Variants in TANC2 observed in about 807,000 individuals in gnomAD.
The protein encoded by TANC2 is tetratricopeptide repeat, ankyrin repeat and coiled-coil containing 2.
A neutral mutation model predicts 210.5 loss-of-function variants in TANC2; 26 were observed. That is an observed-to-expected ratio of 0.12 (90% CI 0.09 to 0.17). The LOEUF is 0.17. TANC2 is among the 10% of genes least tolerant of loss of function. The pLI is 1.00. For missense variants in TANC2, 2,129 were observed against 2,608.9 expected, an observed-to-expected ratio of 0.82 and a Z score of 4.01; for synonymous variants, 931 against 967.1, an observed-to-expected ratio of 0.96 and a Z score of 0.69.
chr17:63,075,336 C>T (rs1404981438), intron 3 of TANC2, among the ~76,000 whole-genome samples: 3 of 151,990 alleles, frequency 2.0e-5, no homozygotes, highest in Non-Finnish European at 4.4e-5. Context: ...AATCAATGAG[C>T]GTAATTGAAT....
At chr17:63,114,460 T>G (rs2038176220) in intron 4 of TANC2, among the ~76,000 whole-genome samples, 1 of 152,220 alleles carries the variant, frequency 6.6e-6, no homozygotes, top group Admixed American at 6.5e-5. Flanking sequence ...AAGAATATAT[T>G]TCTTTTTCTT....
intron 5 of TANC2, among the ~76,000 whole-genome samples, chr17:63,169,279 T>C (rs1319734529): frequency 6.6e-6 from 1 of 152,248 alleles, no homozygotes; most frequent in Non-Finnish European, 1.5e-5. Flanking sequence ...TGTTAGTTCT[T>C]TTGTATTTTC....
intron 4 of TANC2, among the ~76,000 whole-genome samples, chr17:63,136,700 C>T (rs2039102232): frequency 6.6e-6 from 1 of 152,178 alleles, no homozygotes; most frequent in African/African-American, 2.4e-5. Flanking sequence ...CAGTAACGGA[C>T]TTGCCTTCCC....
intron 19 of TANC2, 110 bp downstream of exon 19, chr17:63,399,024 C>A: frequency 1.4e-6 from 1 of 719,818 alleles, no homozygotes; most frequent in African/African-American, 1.8e-5. Context: ...CTGTCTCAGG[C>A]TTTTGTAATG....
intron 6 of TANC2, 123 bp from the exon 7 acceptor site, chr17:63,200,648 A>G: frequency 1.2e-6 from 1 of 810,194 alleles, no homozygotes; most frequent in Non-Finnish European, 1.9e-6. Flanking sequence ...AAACAAATAG[A>G]GCCTAATAGA....
At chr17:63,191,246 G>T (rs2041174425) in intron 5 of TANC2, among the ~76,000 whole-genome samples, 1 of 151,438 alleles carries the variant, frequency 6.6e-6, no homozygotes, top group South Asian at 2.1e-4. Context: ...TGGAGGGGAG[G>T]ACCTGGCTTT....
At chr17:62,975,996 CA>C (rs1335348736) in intron 1 of TANC2, among the ~76,000 whole-genome samples, 1 of 152,088 alleles carries the variant, frequency 6.6e-6, no homozygotes, top group African/African-American at 2.4e-5. Context: ...CCTTGCAAGG[CA>C]TTTTAGAAAC....
intron 2 of TANC2, among the ~76,000 whole-genome samples, chr17:63,016,726 TTTC>T (rs2034126672): frequency 6.6e-6 from 1 of 152,178 alleles, no homozygotes; most frequent in Non-Finnish European, 1.5e-5. Flanking sequence ...CAGTTGTGAT[TTTC>T]TTCCTTTTTT....
intron 11 of TANC2, among the ~76,000 whole-genome samples, chr17:63,333,227 A>G (rs1268433254): frequency 6.6e-6 from 1 of 152,204 alleles, no homozygotes; most frequent in African/African-American, 2.4e-5. Context: ...GATTTTCAAG[A>G]TTTTCATCTG....
At chr17:63,137,550 A>G (rs1163626237) in intron 4 of TANC2, among the ~76,000 whole-genome samples, 2 of 152,220 alleles carry the variant, frequency 1.3e-5, no homozygotes, top group Non-Finnish European at 2.9e-5. Flanking sequence ...GATAGTTTAT[A>G]TAATCTGTTT....
At chr17:63,242,627 G>A (rs2042806324) in intron 8 of TANC2, among the ~76,000 whole-genome samples, 1 of 151,996 alleles carries the variant, frequency 6.6e-6, no homozygotes, top group Non-Finnish European at 1.5e-5. Flanking sequence ...GAGATATGAG[G>A]TCAAAAATGA....
chr17:63,123,928 T>C (rs550136010), intron 4 of TANC2, among the ~76,000 whole-genome samples: 9 of 152,158 alleles, frequency 5.9e-5, no homozygotes, highest in Admixed American at 5.9e-4. Context: ...GTCTTGAATG[T>C]CTGACCTTGT....
chr17:63,006,937 A>G (rs1227792530), intron 1 of TANC2, among the ~76,000 whole-genome samples: 1 of 152,060 alleles, frequency 6.6e-6, no homozygotes, highest in Non-Finnish European at 1.5e-5. Context: ...TAGAATTATG[A>G]TATCTTGGCT....
chr17:63,371,851 C>T (rs961052384), intron 14 of TANC2, among the ~76,000 whole-genome samples: 8 of 152,196 alleles, frequency 5.3e-5, no homozygotes, highest in African/African-American at 1.9e-4. Flanking sequence ...TCTTGAGGTA[C>T]AGGATCATCA....
chr17:63,120,938 A>C (rs2038451220), intron 4 of TANC2: 2 of 152,078 alleles, frequency 1.3e-5, no homozygotes, highest in South Asian at 2.1e-4. Flanking sequence ...AGTGAATAGA[A>C]TATAACAATT....
At chr17:63,224,960 C>G (rs11079499) in intron 7 of TANC2, among the ~76,000 whole-genome samples, 1 of 152,184 alleles carries the variant, frequency 6.6e-6, no homozygotes, top group Non-Finnish European at 1.5e-5. Context: ...TCATATAGAT[C>G]TCCTTTGTCT....
rs1455455651 is a variant in TANC2, at chr17:63,421,069, A to T, written c.5339A>T (p.Asp1780Val). 1 of 1,613,986 alleles carries T rather than the reference A, an allele frequency of 6.2e-7. No individual in the cohort carries two copies. Among genetic ancestry groups the T allele is most frequent in the Non-Finnish European group, 8.5e-7 (1 of 1,179,892 alleles). ...CAGCATGGAGGATTGACCAAAGAGG[A>T]TCTTCCACAGCGACCTTCCTCAGCA... is the stretch of plus-strand genomic sequence containing the variant. Residue 1780 changes from aspartate to valine, a missense_variant, in exon 28 of 28, where the codon GAT (aspartate) becomes GTT (valine). Transcript: ENST00000689528. The surrounding 1 kb of genome is among the most constrained non-coding windows in gnomAD (Gnocchi z 6.9).
intron 4 of TANC2, among the ~76,000 whole-genome samples, chr17:63,139,167 T>C (rs2039197323): frequency 6.6e-6 from 1 of 152,250 alleles, no homozygotes; most frequent in Non-Finnish European, 1.5e-5. Context: ...TTTATACTTG[T>C]TATCTCCCAA....
At chr17:63,255,505 A>G (rs528757220) in intron 8 of TANC2, among the ~76,000 whole-genome samples, 3 of 152,200 alleles carry the variant, frequency 2.0e-5, no homozygotes, top group South Asian at 4.2e-4. Context: ...TACTTTGTCT[A>G]TTCAAGTTTT....
Sources: gnomAD v4.1 joint callset for allele counts (sites outside exome capture counted in the v4.1 genomes callset) on GRCh38, gnomAD v4.1.1 for gene constraint, Gnocchi (gnomAD v3.1) non-coding constraint, MANE v1.5 for transcripts, NCBI Gene and HGNC (gene_info 2026-07-23, HGNC 2026-07-21) for gene names.